Variants in BCAS4 observed in about 807,000 individuals in gnomAD.
BCAS4 encodes breast carcinoma amplified sequence 4.
In BCAS4, 9 loss-of-function variants were observed where a neutral mutation model predicts 15.7. The ratio of observed to expected loss-of-function variants is 0.57; its 90% CI spans 0.34 to 1.00. The LOEUF (loss-of-function observed/expected upper bound fraction) is 1.00. Ranked by LOEUF, BCAS4 falls within the 50% of genes least tolerant of loss-of-function variation. The probability of loss-of-function intolerance (pLI) is 0.02; values close to 1 mark genes in which losing one functional copy is unlikely to be tolerated. For missense variants in BCAS4, 225 were observed against 239.1 expected, an observed-to-expected ratio of 0.94 and a Z score of 0.39; for synonymous variants, 101 against 99.5, an observed-to-expected ratio of 1.02 and a Z score of -0.09.
chr20:50,836,789 G>A (rs1032840601), intron 3 of BCAS4, among the ~76,000 whole-genome samples: 1 of 152,158 alleles, frequency 6.6e-6, no homozygotes, highest in Non-Finnish European at 1.5e-5. Context: ...CAGTGGTGCA[G>A]TCACACTTCC....
At chr20:50,865,028 G>A (rs188804687) in intron 4 of BCAS4, among the ~76,000 whole-genome samples, 30 of 152,226 alleles carry the variant, frequency 2.0e-4, no homozygotes, top group African/African-American at 6.0e-4. Context: ...TGGAGGCGGA[G>A]GTTGCAGTGA....
chr20:50,830,703 A>G (rs1476539967), intron 3 of BCAS4, among the ~76,000 whole-genome samples: 1 of 152,090 alleles, frequency 6.6e-6, no homozygotes, highest in Non-Finnish European at 1.5e-5. Flanking sequence ...TACAAAAACT[A>G]GTCAGGTGTT....
chr20:50,857,024 T>C (rs991093206), intron 4 of BCAS4, among the ~76,000 whole-genome samples: 2 of 152,266 alleles, frequency 1.3e-5, no homozygotes, highest in African/African-American at 4.8e-5. Flanking sequence ...TGCAACATTA[T>C]AACATTGTAC....
At chr20:50,803,287 G>T (rs2087950506) in intron 1 of BCAS4, among the ~76,000 whole-genome samples, 1 of 152,260 alleles carries the variant, frequency 6.6e-6, no homozygotes, top group Non-Finnish European at 1.5e-5. Flanking sequence ...GCTGCAGCGG[G>T]AGTCAGCGCT....
At chr20:50,868,028 G>A (rs1271846634) in intron 4 of BCAS4, among the ~76,000 whole-genome samples, 4 of 152,182 alleles carry the variant, frequency 2.6e-5, no homozygotes, top group Admixed American at 1.3e-4. Context: ...TGAGAATATC[G>A]GGTAGGTATT....
rs777462572 is a variant in BCAS4, at chr20:50,795,158, C to T, written c.75C>T (p.Pro25=). 129 of 1,461,598 alleles carry T rather than the reference C, an allele frequency of 8.8e-5. 1 individual carries two copies. The highest frequency in any genetic ancestry group is 1.8e-4 in the Middle Eastern group (1 of 5,492). The allele number at this position is 1,461,598 out of a possible 1,614,324, so 90.5% of individuals were successfully genotyped here. ...GCGAGCTCGCGCTCTTCCTGACCCCCGAGCCTGGGGCCGAGGTAGGGGACG... is the reference window on the plus strand; with the variant it reads ...GCGAGCTCGCGCTCTTCCTGACCCCTGAGCCTGGGGCCGAGGTAGGGGACG... ...GARELALFLT[P]EPGAEAKEVE... The change falls in exon 1 of 5, where the codon CCC becomes CCT. Residue 25 remains proline (P), a synonymous_variant. Transcript: ENST00000371608.
intron 3 of BCAS4, among the ~76,000 whole-genome samples, chr20:50,835,184 C>T (rs1036478246): frequency 4.6e-5 from 7 of 151,580 alleles, no homozygotes; most frequent in Non-Finnish European, 8.8e-5. Flanking sequence ...CGTTTTAGGA[C>T]GTTTCAAACA....
intron 1 of BCAS4, among the ~76,000 whole-genome samples, chr20:50,798,407 CTTACG>C (rs111890880): frequency 0.053 from 8,128 of 152,160 alleles, 319 homozygotes; most frequent in African/African-American, 0.11. Flanking sequence ...GGAGCAATGG[CTTACG>C]CCTGTGGTCC....
chr20:50,872,623 G>C (rs1371928561), intron 4 of BCAS4, among the ~76,000 whole-genome samples: 1 of 151,846 alleles, frequency 6.6e-6, no homozygotes, highest in Non-Finnish European at 1.5e-5. Context: ...AGCACCCCAA[G>C]GGGAAATGGA....
chr20:50,800,881 G>C (rs2087919286), intron 1 of BCAS4, among the ~76,000 whole-genome samples: 1 of 152,006 alleles, frequency 6.6e-6, no homozygotes, highest in Non-Finnish European at 1.5e-5. Context: ...TTTTTCTATA[G>C]TCAGGATGAG....
chr20:50,828,971 T>A (rs2088311315), intron 2 of BCAS4, among the ~76,000 whole-genome samples: 1 of 152,148 alleles, frequency 6.6e-6, no homozygotes, highest in South Asian at 2.1e-4. Flanking sequence ...CTTGCACCAC[T>A]GTCCCAGTGA....
At chr20:50,840,681 C>T (rs1006924178) in intron 3 of BCAS4, 51 of 1,613,036 alleles carry the variant, frequency 3.2e-5, no homozygotes, top group African/African-American at 2.4e-4. Context: ...TTTTCTCTTG[C>T]GTCTCTGTCT....
intron 1 of BCAS4, among the ~76,000 whole-genome samples, chr20:50,810,254 G>A (rs1244647046): frequency 6.6e-6 from 1 of 151,830 alleles, no homozygotes; most frequent in African/African-American, 2.4e-5. Flanking sequence ...GTCTCTCGAG[G>A]CCTAGACCTG....
chr20:50,819,621 C>T, intron 2 of BCAS4, among the ~76,000 whole-genome samples: 1 of 152,104 alleles, frequency 6.6e-6, no homozygotes. Context: ...CCTCTAGGGT[C>T]ACAGCAGAAA....
At chr20:50,845,514 C>T (rs1012945030) in intron 4 of BCAS4, among the ~76,000 whole-genome samples, 1 of 152,200 alleles carries the variant, frequency 6.6e-6, no homozygotes. Context: ...TCTCCCGGGG[C>T]CTGTTCCAAT....
chr20:50,875,418 C>T lies in BCAS4; in HGVS notation c.400-1068C>T, dbSNP rs983521186. Among the ~76,000 whole-genome samples the T allele has an allele frequency of 1.2e-4, 19 of 152,094 alleles. No homozygotes were observed. In the East Asian group the frequency reaches 3.5e-3, roughly 28 times the overall value. Reference sequence around the variant, plus strand: ...ATGGTTTTGTTTTTTGAAAGAGTAGCACATGCCTATGGCAGGAACTCCAGG... The same window carrying T: ...ATGGTTTTGTTTTTTGAAAGAGTAGTACATGCCTATGGCAGGAACTCCAGG... On this transcript the variant is annotated intron_variant, in intron 4 of 4. Transcript: ENST00000371608.
chr20:50,856,583 CTTGTCCCT>C (rs1978771696), intron 4 of BCAS4, among the ~76,000 whole-genome samples: 1 of 152,226 alleles, frequency 6.6e-6, no homozygotes, highest in Non-Finnish European at 1.5e-5. Context: ...TTCCAGCCTC[CTTGTCCCT>C]TTTGTGTCTG....
At chr20:50,807,489 T>C (rs1355528912) in intron 1 of BCAS4, among the ~76,000 whole-genome samples, 8 of 152,230 alleles carry the variant, frequency 5.3e-5, no homozygotes, top group Non-Finnish European at 1.2e-4. Context: ...CCACTGCACC[T>C]GGACTTTACG....
intron 4 of BCAS4, among the ~76,000 whole-genome samples, chr20:50,869,011 G>C (rs1185328072): frequency 6.6e-6 from 1 of 152,216 alleles, no homozygotes; most frequent in East Asian, 1.9e-4. Context: ...TTGTCTTCCT[G>C]GTCCCAAGGT....
Sources: allele counts gnomAD v4.1 joint callset (sites outside exome capture counted in the v4.1 genomes callset), GRCh38; gene constraint gnomAD v4.1.1; transcripts MANE v1.5; gene names NCBI Gene and HGNC (gene_info 2026-07-23, HGNC 2026-07-21).